KIAA0513: variants seen among roughly 807,000 people sequenced by gnomAD.
The protein encoded by KIAA0513 is KIAA0513.
A neutral mutation model predicts 56.5 loss-of-function variants in KIAA0513; 39 were observed. The ratio of observed to expected loss-of-function variants is 0.69; its 90% confidence interval spans 0.53 to 0.90. The LOEUF is 0.90. Ranked by LOEUF, KIAA0513 falls within the 40% of genes least tolerant of loss-of-function variation. The pLI, the probability that KIAA0513 is intolerant of heterozygous loss-of-function variation, is 0.00. For missense variants in KIAA0513, 591 were observed against 535.2 expected (o/e 1.10, Z -1.03); for synonymous variants, 268 against 215.6 (o/e 1.24, Z -2.13).
At chr16:85,084,418 CT>C (rs1250179819) in intron 10 of KIAA0513, among the ~76,000 whole-genome samples, 1 of 110,034 alleles carries the variant, frequency 9.1e-6, no homozygotes, top group African/African-American at 3.7e-5. Context: ...GCTAATTTTT[CT>C]TTTCGTTCTC....
intron 10 of KIAA0513, among the ~76,000 whole-genome samples, chr16:85,085,799 C>T (rs978604433): frequency 6.6e-6 from 1 of 152,224 alleles, no homozygotes; most frequent in African/African-American, 2.4e-5. Context: ...CACTTCAGGC[C>T]TTGTGCGGAG....
intron 1 of KIAA0513, chr16:85,063,274 T>G (rs954086318): frequency 8.5e-5 from 13 of 152,184 alleles, no homozygotes; most frequent in Non-Finnish European, 4.4e-5. Context: ...ATTGATTGAT[T>G]GATTTAGTTG....
rs1287688088 is a variant in KIAA0513 at position 85,076,413 on chromosome 16, TC to T, written c.574+501del. Reference sequence around the variant, plus strand: ...TTGATGCTGAGGCTAGGACATCTCTTCCGCCTCATTGCGTTGGCACTTTCTC... The same window carrying T: ...TTGATGCTGAGGCTAGGACATCTCTTCGCCTCATTGCGTTGGCACTTTCTC... On this transcript the variant is annotated intron_variant, in intron 5 of 12. Coordinates refer to ENST00000683363, the MANE Select transcript of KIAA0513 (RefSeq NM_001388359.1). This position sits in a 1 kb window ranked among gnomAD's most constrained non-coding sequence, Gnocchi z 4.7. Among the ~76,000 whole-genome samples the T allele has an allele frequency of 3.9e-5, 6 of 152,272 alleles. No individual in the cohort carries two copies. The East Asian group carries it at 1.2e-3, about 29-fold the overall frequency.
chr16:85,077,112 G>T (rs1481109357), intron 5 of KIAA0513, among the ~76,000 whole-genome samples: 1 of 152,164 alleles, frequency 6.6e-6, no homozygotes, highest in Non-Finnish European at 1.5e-5. Flanking sequence ...GCATGGTCGG[G>T]CCTCTGCCCT....
At position 85,076,216 on chromosome 16, in the gene KIAA0513, C is replaced by A. The variant is rs550750991; in HGVS notation, c.574+302C>A. On this transcript the variant is annotated intron_variant, in intron 5 of 12. Coordinates refer to ENST00000683363, the MANE Select transcript of KIAA0513 (RefSeq NM_001388359.1). This position sits in a 1 kb window ranked among gnomAD's most constrained non-coding sequence, Gnocchi z 4.7. ...AAGAAACAAGCTAGGCAGGACATTTCATGGTGGAAACAGGAACTGCTGGAC... is the reference window on the plus strand; with the variant it reads ...AAGAAACAAGCTAGGCAGGACATTTAATGGTGGAAACAGGAACTGCTGGAC... 6.6e-6 allele frequency among the ~76,000 whole-genome samples: 1 copy of A among 152,282 alleles called. No homozygotes were observed. Among genetic ancestry groups the A allele is most frequent in the East Asian group, 1.9e-4 (1 of 5,182 alleles).
Position 85,080,621 on chromosome 16 carries a change from C to A in KIAA0513, c.903-694C>A, listed in dbSNP as rs367724372. On this transcript the variant is annotated intron_variant, in intron 8 of 12. Coordinates refer to ENST00000683363, the MANE Select transcript of KIAA0513 (RefSeq NM_001388359.1). ...CCAGCCTGGTCAACATGGCGAAACCCCCATCTCTACTAAAAATACAAAATA... is the reference window on the plus strand; with the variant it reads ...CCAGCCTGGTCAACATGGCGAAACCACCATCTCTACTAAAAATACAAAATA... Among the ~76,000 whole-genome samples the A allele has an allele frequency of 7.9e-5, 12 of 152,186 alleles. No individual in the cohort carries two copies. In the East Asian group the frequency reaches 1.4e-3, roughly 17 times the overall value.
intron 1 of KIAA0513, among the ~76,000 whole-genome samples, chr16:85,035,608 A>C (rs1484046542): frequency 6.6e-6 from 1 of 152,180 alleles, no homozygotes; most frequent in Non-Finnish European, 1.5e-5. Context: ...CTCCCACCTC[A>C]GCCTGCCAAG....
chr16:85,072,842 T>G (rs1041424985), intron 3 of KIAA0513, 83 bp from the exon 4 acceptor site: 1 of 1,337,176 alleles, frequency 7.5e-7, no homozygotes, highest in African/African-American at 1.4e-5. Context: ...TTGGAAACAC[T>G]GAGAGTGCAA....
intron 1 of KIAA0513, among the ~76,000 whole-genome samples, chr16:85,045,660 G>A (rs2073161302): frequency 6.6e-6 from 1 of 152,124 alleles, no homozygotes; most frequent in African/African-American, 2.4e-5. Flanking sequence ...CAGCCCCAGT[G>A]ACCTTGTTTT....
rs1218985109 is a variant in KIAA0513 at position 85,071,849 on chromosome 16, C to T, written c.396C>T (p.Gly132=). The change falls in exon 3 of 13, where the codon GGC becomes GGT. Residue 132 remains glycine (G), a synonymous_variant. Transcript: ENST00000683363. ...GEYCSSENGK[G]REWFARYVSA... is the part of the protein sequence containing the mutation. The stretch of plus-strand genomic sequence containing the variant: ...ACTGCAGCAGTGAAAATGGAAAAGG[C>T]CGGGAGTGGTTTGCTCGATACGTGA... 6.2e-7 allele frequency: 1 copy of T among 1,606,008 alleles called. No homozygotes were observed. The highest frequency in any genetic ancestry group is 1.4e-5 in the African/African-American group (1 of 71,626).
In KIAA0513 at chr16:85,078,958, G is replaced by GGGA; in HGVS notation, c.859_861dup (p.Glu287dup). 6.2e-7 allele frequency: 1 copy of GGGA among 1,614,132 alleles called. No individual in the cohort carries two copies. The highest frequency in any genetic ancestry group is 8.5e-7 in the Non-Finnish European group (1 of 1,180,030). The stretch of plus-strand genomic sequence containing the variant: ...TACAGCCCCGAGGACGAAAAGAAGG[G>GGGA]GGAGAAGATCTACCTGTACACGCAC... On this transcript the variant is annotated inframe_insertion, in exon 8 of 13. Transcript: ENST00000683363.
rs993723151 is a variant in KIAA0513 at position 85,076,012 on chromosome 16, A to T, written c.574+98A>T. ...TTCTTCATGATAAAAAGCAAAAGCTATGGGGCCTCCAGAGAACAGAGGAAG... is the reference window on the plus strand; with the variant it reads ...TTCTTCATGATAAAAAGCAAAAGCTTTGGGGCCTCCAGAGAACAGAGGAAG... On this transcript the variant is annotated intron_variant, in intron 5 of 12. Coordinates refer to ENST00000683363, the MANE Select transcript of KIAA0513 (RefSeq NM_001388359.1). The surrounding 1 kb of genome is among the most constrained non-coding windows in gnomAD (Gnocchi z 4.7). 3 of 893,910 alleles carry T rather than the reference A, an allele frequency of 3.4e-6. No homozygotes were observed. In the East Asian group the frequency reaches 7.4e-5, roughly 22 times the overall value. 55.4% of individuals were successfully genotyped at this position (893,910 alleles called of 1,614,324 possible). A position where few individuals can be genotyped will look rare whatever the true frequency, so the allele number is the denominator to read the frequency against.
intron 1 of KIAA0513, among the ~76,000 whole-genome samples, chr16:85,030,562 C>T (rs554804220): frequency 3.3e-5 from 5 of 152,042 alleles, no homozygotes; most frequent in South Asian, 4.2e-4. Context: ...GCTTGGGCAA[C>T]GTGGTGAAAC....
chr16:85,070,187 A>AAAAG (rs58091090), intron 2 of KIAA0513, among the ~76,000 whole-genome samples: 10,619 of 147,246 alleles, frequency 0.072, 646 homozygotes, highest in East Asian at 0.21. Flanking sequence ...AAAAAAAGAA[A>AAAAG]AAAGAAAGAA....
intron 5 of KIAA0513, 125 bp from the exon 6 acceptor site, chr16:85,077,300 C>G (rs1262552570): frequency 4.6e-6 from 4 of 868,350 alleles, no homozygotes; most frequent in Non-Finnish European, 7.0e-6. Flanking sequence ...CTGTCCTCGG[C>G]TGAGGAGGGA....
rs948444951 is a variant in KIAA0513, at chr16:85,091,016, G to C, written c.*2691G>C. ...ACCAGGGGCACACCCAGGGCCACCT[G>C]GGTGTAGGAGAGCTCTGGTGGCCCC... On this transcript the variant is annotated 3_prime_UTR_variant, in exon 13 of 13. Coordinates refer to ENST00000683363, the MANE Select transcript of KIAA0513 (RefSeq NM_001388359.1). The C allele has an allele frequency of 8.5e-5, 13 of 152,382 alleles. No homozygotes were observed. In the South Asian group the frequency reaches 2.3e-3, roughly 27 times the overall value. The allele number at this position is 152,382 out of a possible 1,614,324, so 9.4% of individuals were successfully genotyped here. A position where few individuals can be genotyped will look rare whatever the true frequency, so the allele number is the denominator to read the frequency against.
In KIAA0513 at chr16:85,088,338, G is replaced by A. The variant is rs200575008; in HGVS notation, c.*13G>A. 47 of 1,606,470 alleles carry A rather than the reference G, an allele frequency of 2.9e-5. No individual in the cohort carries two copies. The highest frequency in any genetic ancestry group is 1.6e-4 in the East Asian group (7 of 44,876). ...GGCCACTGAGTAGGCCCCAGAGGTC[G>A]CACTCCGCAGGAGGACTGAGGCCAT... On this transcript the variant is annotated 3_prime_UTR_variant, in exon 13 of 13. Coordinates refer to ENST00000683363, the MANE Select transcript of KIAA0513 (RefSeq NM_001388359.1).
rs958135999 is a variant in KIAA0513, at chr16:85,053,924, A to G, written c.-172-12976A>G. ...GGAGAATCACTTGAAGCCAGGAGGCAGAGTTTGCAGCGAACTGAGATCATG... is the reference window on the plus strand; with the variant it reads ...GGAGAATCACTTGAAGCCAGGAGGCGGAGTTTGCAGCGAACTGAGATCATG... On this transcript the variant is annotated intron_variant, in intron 1 of 12. Coordinates refer to ENST00000683363, the MANE Select transcript of KIAA0513 (RefSeq NM_001388359.1). Among the ~76,000 whole-genome samples, 9 of 151,408 alleles carry G rather than the reference A, an allele frequency of 5.9e-5. No individual in the cohort carries two copies. In the East Asian group the frequency reaches 1.7e-3, roughly 29 times the overall value.
rs2073673990 is a variant in KIAA0513 at position 85,077,503 on chromosome 16, G to C, written c.653G>C (p.Ser218Thr). ...GACTCCTACCTGAAATCCGCAAACA[G>C]CTGGCTGGCCGAAAAGAAGGACATC... Reference protein sequence around the residue: ...SIDSYLKSANSWLAEKKDIAE... With the variant: ...SIDSYLKSANTWLAEKKDIAE... Residue 218 changes from serine (S) to threonine (T), a missense_variant, in exon 6 of 13, where the codon AGC (serine) becomes ACC (threonine). By Grantham distance (58) the Ser-to-Thr change is moderately conservative (BLOSUM62 1). Transcript: ENST00000683363. The C allele has an allele frequency of 1.2e-6, 2 of 1,614,190 alleles. No homozygotes were observed. The highest frequency in any genetic ancestry group is 1.3e-5 in the African/African-American group (1 of 75,072).
Sources: gnomAD v4.1 joint callset for allele counts (sites outside exome capture counted in the v4.1 genomes callset) on GRCh38, gnomAD v4.1.1 for gene constraint, Gnocchi (gnomAD v3.1) non-coding constraint, MANE v1.5 for transcripts, NCBI Gene and HGNC (gene_info 2026-07-23, HGNC 2026-07-21) for gene names.